The following PTPRT variants were observed in gnomAD, a reference collection of about 807,000 sequenced individuals.
The protein encoded by PTPRT is receptor-type tyrosine-protein phosphatase T.
A neutral mutation model predicts 176.8 loss-of-function variants in PTPRT; 56 were observed. The observed-to-expected ratio is 0.32, with a 90% CI of 0.26 to 0.40. The LOEUF is 0.40. Ranked by LOEUF, PTPRT falls within the 10% of genes least tolerant of loss-of-function variation. PTPRT has a pLI of 1.00. For synonymous variants in PTPRT, 783 were observed against 739.0 expected (o/e 1.06, Z -0.96); for missense variants, 1,540 against 1,908.2 (o/e 0.81, Z 3.60).
intron 6 of PTPRT, among the ~76,000 whole-genome samples, chr20:42,744,398 G>A (rs59356428): frequency 0.01 from 1,579 of 152,248 alleles, 29 homozygotes; most frequent in African/African-American, 0.036. Context: ...CAATCAATAC[G>A]TGACAAGAAA....
At chr20:42,201,698 C>T (rs542672483) in intron 15 of PTPRT, among the ~76,000 whole-genome samples, 107 of 122,326 alleles carry the variant, frequency 8.7e-4, no homozygotes, top group African/African-American at 3.3e-3. Flanking sequence ...CCCAGCCAGT[C>T]ATAGACAACC....
At chr20:42,992,061 T>C (rs1350966823) in intron 1 of PTPRT, among the ~76,000 whole-genome samples, 1 of 152,182 alleles carries the variant, frequency 6.6e-6, no homozygotes, top group Non-Finnish European at 1.5e-5. Flanking sequence ...TCTCTAGAAA[T>C]TATATTGAAA....
chr20:42,668,127 G>A (rs1035256988), intron 7 of PTPRT, among the ~76,000 whole-genome samples: 1 of 152,168 alleles, frequency 6.6e-6, no homozygotes, highest in Non-Finnish European at 1.5e-5. Context: ...AAACAGCTAA[G>A]TAGGTGGTGG....
At chr20:42,177,017 C>T (rs953988768) in intron 16 of PTPRT, among the ~76,000 whole-genome samples, 1 of 152,192 alleles carries the variant, frequency 6.6e-6, no homozygotes. Context: ...AGTTACAAGA[C>T]CTGAGTTTTC....
chr20:42,264,862 C>A (rs975794947), intron 13 of PTPRT, among the ~76,000 whole-genome samples: 10 of 152,210 alleles, frequency 6.6e-5, no homozygotes, highest in Non-Finnish European at 1.0e-4. Context: ...GGGCTCTTAC[C>A]TATTTCCTCC....
At chr20:42,572,403 A>G (rs1393019450) in intron 7 of PTPRT, among the ~76,000 whole-genome samples, 1 of 151,706 alleles carries the variant, frequency 6.6e-6, no homozygotes. Flanking sequence ...ACCACCCACC[A>G]AGAACCCTCA....
chr20:42,702,541 T>C (rs753730192), intron 6 of PTPRT, among the ~76,000 whole-genome samples: 7 of 152,264 alleles, frequency 4.6e-5, no homozygotes, highest in South Asian at 4.1e-4. Context: ...CTTTTCCCCC[T>C]AGCAAAGGGA....
chr20:43,074,144 A>G (rs556588211), intron 1 of PTPRT, among the ~76,000 whole-genome samples: 9 of 152,172 alleles, frequency 5.9e-5, no homozygotes, highest in Non-Finnish European at 1.2e-4. Flanking sequence ...AAAATGTCTA[A>G]AAGACTTCTT....
At chr20:42,474,852 C>T (rs547287513) in intron 7 of PTPRT, among the ~76,000 whole-genome samples, 1 of 152,268 alleles carries the variant, frequency 6.6e-6, no homozygotes, top group East Asian at 1.9e-4. Context: ...CAGAGAGCCA[C>T]TGCCCCTGCT....
At chr20:42,374,591 A>G (rs1485324522) in intron 9 of PTPRT, among the ~76,000 whole-genome samples, 2 of 152,232 alleles carry the variant, frequency 1.3e-5, no homozygotes, top group African/African-American at 2.4e-5. Flanking sequence ...TCAATAAAAA[A>G]GAAGAACATG....
intron 7 of PTPRT, among the ~76,000 whole-genome samples, chr20:42,608,740 G>C (rs1175495317): frequency 6.6e-6 from 1 of 152,178 alleles, no homozygotes; most frequent in African/African-American, 2.4e-5. Flanking sequence ...CACGGACTTA[G>C]GGTCTTGCCA....
intron 7 of PTPRT, among the ~76,000 whole-genome samples, chr20:42,604,668 A>C (rs6102932): frequency 0.15 from 22,374 of 152,188 alleles, 1,741 homozygotes; most frequent in African/African-American, 0.18. Context: ...TTGCACCCCA[A>C]GAGCTCTGGG....
At chr20:42,346,082 C>T (rs148285170) in intron 11 of PTPRT, among the ~76,000 whole-genome samples, 273 of 152,196 alleles carry the variant, frequency 1.8e-3, no homozygotes, top group Middle Eastern at 6.8e-3. Context: ...CATATCCTGG[C>T]GGGTGCAGGT....
chr20:42,242,660 G>C (rs896722839), intron 14 of PTPRT, among the ~76,000 whole-genome samples: 3 of 152,190 alleles, frequency 2.0e-5, no homozygotes, highest in African/African-American at 7.2e-5. Context: ...GAGCAGAGGT[G>C]AGACTTTAGG....
intron 7 of PTPRT, among the ~76,000 whole-genome samples, chr20:42,520,169 C>T (rs1175959076): frequency 6.6e-6 from 1 of 151,874 alleles, no homozygotes; most frequent in African/African-American, 2.4e-5. Flanking sequence ...CTTATATTGG[C>T]GATGTGTCTC....
At chr20:42,185,716 T>C (rs550304006) in intron 16 of PTPRT, among the ~76,000 whole-genome samples, 16 of 152,330 alleles carry the variant, frequency 1.1e-4, no homozygotes, top group Admixed American at 3.9e-4. Context: ...GTATATAGGA[T>C]TTATATACCT....
chr20:42,522,366 A>C (rs1400098278), intron 7 of PTPRT, among the ~76,000 whole-genome samples: 1 of 150,530 alleles, frequency 6.6e-6, no homozygotes, highest in Non-Finnish European at 1.5e-5. Flanking sequence ...GTCTCATATC[A>C]TTTTCTTAAT....
chr20:43,145,088 TCTC>T (rs1219312184), intron 1 of PTPRT, among the ~76,000 whole-genome samples: 1 of 152,116 alleles, frequency 6.6e-6, no homozygotes, highest in East Asian at 1.9e-4. Flanking sequence ...ACACTAGACT[TCTC>T]CTCTCATGGT....
At chr20:43,135,738 T>C (rs1057186459) in intron 1 of PTPRT, among the ~76,000 whole-genome samples, 2 of 152,206 alleles carry the variant, frequency 1.3e-5, no homozygotes, top group African/African-American at 4.8e-5. Flanking sequence ...GTGACCAAGA[T>C]ATCACACAGC....
Sources: allele counts gnomAD v4.1 joint callset (sites outside exome capture counted in the v4.1 genomes callset), GRCh38; gene constraint gnomAD v4.1.1; transcripts MANE v1.5; gene names NCBI Gene and HGNC (gene_info 2026-07-23, HGNC 2026-07-21).